Variants in MRPL1 observed in about 807,000 individuals in gnomAD.
MRPL1 encodes the protein large ribosomal subunit protein uL1m.
MRPL1 carries 28 observed loss-of-function variants against 38.0 expected under a neutral mutation model. The observed-to-expected ratio is 0.74, with a 90% CI of 0.55 to 1.01. The LOEUF (loss-of-function observed/expected upper bound fraction) is 1.01, where lower values mean the gene tolerates loss of function less well. Ranked by LOEUF, MRPL1 falls within the 50% of genes least tolerant of loss-of-function variation. The pLI is 0.00. For synonymous variants in MRPL1, 123 were observed against 126.7 expected, an observed-to-expected ratio of 0.97 and a Z score of 0.20; for missense variants, 358 against 389.8, an observed-to-expected ratio of 0.92 and a Z score of 0.69.
At chr4:77,924,246 A>AT (rs1736657995) in intron 7 of MRPL1, among the ~76,000 whole-genome samples, 1 of 139,910 alleles carries the variant, frequency 7.1e-6, no homozygotes, top group South Asian at 2.3e-4. Flanking sequence ...GTTTCGTGCC[A>AT]TTTTTATCTG....
At chr4:77,921,030 A>G (rs1736560475) in intron 7 of MRPL1, among the ~76,000 whole-genome samples, 1 of 152,156 alleles carries the variant, frequency 6.6e-6, no homozygotes, top group Admixed American at 6.5e-5. Flanking sequence ...AAGTGTTAGG[A>G]TTACAGGCAT....
intron 7 of MRPL1, among the ~76,000 whole-genome samples, chr4:77,947,866 C>T (rs1011813561): frequency 6.6e-6 from 1 of 151,984 alleles, no homozygotes; most frequent in African/African-American, 2.4e-5. Flanking sequence ...GTAGAGGGCA[C>T]AGTACTATAT....
intron 1 of MRPL1, among the ~76,000 whole-genome samples, chr4:77,870,611 C>T (rs1218311657): frequency 6.6e-6 from 1 of 151,952 alleles, no homozygotes; most frequent in Admixed American, 6.6e-5. Context: ...GAGTATGCTA[C>T]CATTTTATAA....
intron 6 of MRPL1, 100 bp downstream of exon 6, chr4:77,894,350 G>A (rs1735869253): frequency 1.5e-6 from 1 of 672,650 alleles, no homozygotes; most frequent in South Asian, 2.1e-5. Context: ...AGAATAAATA[G>A]TATGTCCTGG....
rs373686615 is a variant in MRPL1, at chr4:77,894,221, T to C, written c.641T>C (p.Leu214Pro). 4 of 1,599,318 alleles carry C rather than the reference T, an allele frequency of 2.5e-6. No homozygotes were observed. The African/African-American group carries it at 5.4e-5, about 22-fold the overall frequency. Residue 214 changes from leucine (L) to proline (P), a missense_variant, in exon 6 of 9, where the codon CTG becomes CCG. Leu to Pro is a moderately conservative substitution (Grantham distance 98). Coordinates refer to ENST00000315567, the MANE Select transcript of MRPL1 (RefSeq NM_020236.4). Reference protein sequence around the residue: ...MPELNRLRKKLNKKYPKLSRN... With the variant: ...MPELNRLRKKPNKKYPKLSRN... Reference sequence around the variant, plus strand: ...GAACTTAATCGATTAAGGAAGAAACTGAATAAAAAATATCCAAAGCTTTCT... The same window carrying C: ...GAACTTAATCGATTAAGGAAGAAACCGAATAAAAAATATCCAAAGCTTTCT...
At chr4:77,871,221 T>C (rs1735271358) in intron 1 of MRPL1, among the ~76,000 whole-genome samples, 1 of 150,164 alleles carries the variant, frequency 6.7e-6, no homozygotes, top group South Asian at 2.1e-4. Context: ...AGCCTGTCTT[T>C]AAAAGAAAAA....
At chr4:77,869,803 C>A (rs1337587820) in intron 1 of MRPL1, among the ~76,000 whole-genome samples, 7 of 152,108 alleles carry the variant, frequency 4.6e-5, no homozygotes, top group Non-Finnish European at 8.8e-5. Context: ...CTTGGTCAGG[C>A]TGGTCTCAAA....
intron 8 of MRPL1, among the ~76,000 whole-genome samples, chr4:77,950,665 T>A (rs950114561): frequency 6.6e-6 from 1 of 152,230 alleles, no homozygotes; most frequent in Non-Finnish European, 1.5e-5. Flanking sequence ...TTAATTTTCT[T>A]GCCCTAAATA....
Position 77,882,465 on chromosome 4 carries a change from T to A in MRPL1, c.144-777T>A, listed in dbSNP as rs138418922. On this transcript the variant is annotated intron_variant, in intron 2 of 8. Coordinates refer to ENST00000315567, the MANE Select transcript of MRPL1 (RefSeq NM_020236.4). ...GCTTTCCCAGAGAACCCCATGCCCA[T>A]GAGCATTCACTTCTTGTTCCCCTAA... Among the ~76,000 whole-genome samples the A allele has an allele frequency of 3.9e-5, 6 of 152,320 alleles. No individual in the cohort carries two copies. In the East Asian group the frequency reaches 1.2e-3, roughly 29 times the overall value.
intron 7 of MRPL1, among the ~76,000 whole-genome samples, chr4:77,916,528 T>C (rs971391492): frequency 2.6e-5 from 4 of 152,202 alleles, no homozygotes; most frequent in Non-Finnish European, 4.4e-5. Context: ...GGCATAAACC[T>C]AGGCACCCTT....
At chr4:77,925,333 C>A (rs1445924534) in intron 7 of MRPL1, among the ~76,000 whole-genome samples, 2 of 144,276 alleles carry the variant, frequency 1.4e-5, no homozygotes, top group African/African-American at 2.5e-5. Context: ...TAATTAAGTA[C>A]TTTTTTTTTT....
At chr4:77,926,982 T>C (rs1277211415) in intron 7 of MRPL1, among the ~76,000 whole-genome samples, 2 of 152,170 alleles carry the variant, frequency 1.3e-5, no homozygotes, top group African/African-American at 4.8e-5. Flanking sequence ...TTTACCTTTT[T>C]TTTCTTTTAA....
intron 7 of MRPL1, among the ~76,000 whole-genome samples, chr4:77,911,187 G>A (rs888198770): frequency 6.6e-6 from 1 of 152,090 alleles, no homozygotes; most frequent in African/African-American, 2.4e-5. Context: ...AACATCTATT[G>A]TTATTGTTTT....
At chr4:77,947,982 G>A (rs1482322407) in intron 7 of MRPL1, among the ~76,000 whole-genome samples, 1 of 152,002 alleles carries the variant, frequency 6.6e-6, no homozygotes, top group Non-Finnish European at 1.5e-5. Flanking sequence ...TCCTAATCAT[G>A]AAAGTTGCAG....
chr4:77,952,276 A>T (rs1737428311), intron 8 of MRPL1, among the ~76,000 whole-genome samples: 1 of 152,176 alleles, frequency 6.6e-6, no homozygotes, highest in African/African-American at 2.4e-5. Flanking sequence ...TTTATTTAGA[A>T]GCTTGGTGAT....
At position 77,913,680 on chromosome 4, in the gene MRPL1, C is replaced by T. The variant is rs78786361; in HGVS notation, c.777+4308C>T. The stretch of plus-strand genomic sequence containing the variant: ...TGAAAACATGTGTCCATACAAAGAC[C>T]TGTAAGCAAGGGTTCATATCAGATT... On this transcript the variant is annotated intron_variant, in intron 7 of 8. Transcript: ENST00000315567. 3.3e-3 allele frequency among the ~76,000 whole-genome samples: 496 copies of T among 152,230 alleles called. 5 individuals carry two copies. The highest frequency in any genetic ancestry group is 0.011 in the African/African-American group (458 of 41,538).
chr4:77,913,653 A>G (rs1163583290), intron 7 of MRPL1, among the ~76,000 whole-genome samples: 1 of 152,210 alleles, frequency 6.6e-6, no homozygotes, highest in Non-Finnish European at 1.5e-5. Context: ...ACTTAGGAGA[A>G]ATGAAAACAT....
intron 3 of MRPL1, 80 bp from the exon 4 acceptor site, chr4:77,885,176 G>A: frequency 9.5e-7 from 1 of 1,054,318 alleles, no homozygotes; most frequent in Non-Finnish European, 1.5e-6. Context: ...AACAAAACAT[G>A]TCCGTTCTTG....
At chr4:77,911,898 C>T (rs1043036903) in intron 7 of MRPL1, among the ~76,000 whole-genome samples, 2 of 152,082 alleles carry the variant, frequency 1.3e-5, no homozygotes, top group African/African-American at 4.8e-5. Flanking sequence ...ATATCATGCT[C>T]AAGTAGGGTT....
Sources: gnomAD v4.1 joint callset for allele counts (sites outside exome capture counted in the v4.1 genomes callset) on GRCh38, gnomAD v4.1.1 for gene constraint, MANE v1.5 for transcripts, NCBI Gene and HGNC (gene_info 2026-07-23, HGNC 2026-07-21) for gene names.